Variants in EXOC4 observed in about 807,000 individuals in gnomAD.
The protein encoded by EXOC4 is SEC8-like 1.
A neutral mutation model predicts 107.2 loss-of-function variants in EXOC4; 71 were observed. The observed-to-expected ratio is 0.66, with a 90% CI of 0.55 to 0.81. The LOEUF (loss-of-function observed/expected upper bound fraction) is 0.81. Among genes scored for constraint, EXOC4 ranks in the 30% least tolerant of loss-of-function variants. The pLI, the probability that EXOC4 is intolerant of heterozygous loss-of-function variation, is 0.00. For missense variants in EXOC4, 1,108 were observed against 1,189.6 expected, an observed-to-expected ratio of 0.93 and a Z score of 1.01; for synonymous variants, 456 against 441.2, an observed-to-expected ratio of 1.03 and a Z score of -0.42.
intron 7 of EXOC4, among the ~76,000 whole-genome samples, chr7:133,378,829 A>G (rs935835089): frequency 6.6e-6 from 1 of 152,104 alleles, no homozygotes; most frequent in South Asian, 2.1e-4. Flanking sequence ...CAAAGATAGG[A>G]TGAATAGAAC....
chr7:134,081,963 C>T, the EXOC4 span, among the ~76,000 whole-genome samples: 3 of 152,152 alleles, frequency 2.0e-5, no homozygotes, highest in African/African-American at 4.8e-5. Context: ...TTGTTCCAGA[C>T]CCTACACCAA....
chr7:133,557,587 A>C (rs1158482119), intron 9 of EXOC4, among the ~76,000 whole-genome samples: 1 of 152,232 alleles, frequency 6.6e-6, no homozygotes, highest in Non-Finnish European at 1.5e-5. Flanking sequence ...TGCTGGAATC[A>C]CAGATGTGTG....
intron 9 of EXOC4, among the ~76,000 whole-genome samples, chr7:133,488,085 A>T (rs1799303971): frequency 1.3e-5 from 2 of 152,304 alleles, no homozygotes; most frequent in South Asian, 4.1e-4. Context: ...AATAAACACA[A>T]TTCATAAGAT....
chr7:134,028,494 T>G (rs1451701321), intron 17 of EXOC4, among the ~76,000 whole-genome samples: 1 of 152,170 alleles, frequency 6.6e-6, no homozygotes, highest in Non-Finnish European at 1.5e-5. Flanking sequence ...GAATAACATG[T>G]GGGAAACTGT....
intron 10 of EXOC4, among the ~76,000 whole-genome samples, chr7:133,771,729 A>C (rs1213058656): frequency 2.0e-5 from 3 of 151,876 alleles, no homozygotes; most frequent in Non-Finnish European, 4.4e-5. Context: ...CTCTTTATTG[A>C]GATTGCCTCG....
intron 9 of EXOC4, among the ~76,000 whole-genome samples, chr7:133,499,601 A>G (rs530508060): frequency 5.3e-5 from 8 of 152,216 alleles, no homozygotes; most frequent in African/African-American, 1.7e-4. Context: ...GCCTTATGAT[A>G]TGGTTTAGAT....
chr7:134,025,013 T>G (rs1199450019), intron 17 of EXOC4, among the ~76,000 whole-genome samples: 1 of 152,248 alleles, frequency 6.6e-6, no homozygotes, highest in Middle Eastern at 3.2e-3. Context: ...CAATCCCAGC[T>G]GCTGTCTAGC....
intron 9 of EXOC4, among the ~76,000 whole-genome samples, chr7:133,544,099 T>C (rs574345022): frequency 1.3e-5 from 2 of 152,222 alleles, no homozygotes; most frequent in South Asian, 2.1e-4. Context: ...TAATGGTGCA[T>C]TGGGAAAATT....
chr7:133,779,641 C>T (rs1378146483), intron 10 of EXOC4, among the ~76,000 whole-genome samples: 5 of 152,042 alleles, frequency 3.3e-5, no homozygotes, highest in African/African-American at 9.7e-5. Context: ...ATGCTCCAAT[C>T]GGTGCTCTGT....
chr7:133,805,457 A>T (rs942791634), intron 10 of EXOC4, among the ~76,000 whole-genome samples: 2 of 152,230 alleles, frequency 1.3e-5, no homozygotes, highest in Non-Finnish European at 2.9e-5. Flanking sequence ...TACCTACTGG[A>T]TACCAAACAA....
chr7:133,401,404 G>A (rs920239138), intron 7 of EXOC4, among the ~76,000 whole-genome samples: 2 of 151,780 alleles, frequency 1.3e-5, no homozygotes, highest in Admixed American at 6.6e-5. Context: ...GTTCATTCCC[G>A]TAATACCAGA....
chr7:133,300,319 T>C (rs1794614924), intron 3 of EXOC4, among the ~76,000 whole-genome samples: 1 of 152,208 alleles, frequency 6.6e-6, no homozygotes, highest in South Asian at 2.1e-4. Flanking sequence ...CCTGCAGCTT[T>C]CAGGCAGTGG....
Position 133,275,055 on chromosome 7 carries a change from TGTGACC to T in EXOC4, c.167_172del (p.Arg56_Asp57del). 1 of 1,613,830 alleles carries T rather than the reference TGTGACC, an allele frequency of 6.2e-7. No homozygotes were observed. The highest frequency in any genetic ancestry group is 8.5e-7 in the Non-Finnish European group (1 of 1,179,798). On this transcript the variant is annotated inframe_deletion, in exon 2 of 18. Coordinates refer to ENST00000253861, the MANE Select transcript of EXOC4 (RefSeq NM_021807.4). The stretch of plus-strand genomic sequence containing the variant: ...TCGCCTTGAAGAAGCCTACGAGAAA[TGTGACC>T]GTGACCTGGATGAATTGATTGTACA...
At chr7:133,617,071 T>C (rs544055522) in intron 9 of EXOC4, among the ~76,000 whole-genome samples, 4 of 152,286 alleles carry the variant, frequency 2.6e-5, no homozygotes, top group African/African-American at 7.2e-5. Flanking sequence ...TTTCCTAATA[T>C]CTGATTTTGT....
At chr7:133,591,516 T>A (rs1801541938) in intron 9 of EXOC4, among the ~76,000 whole-genome samples, 1 of 151,846 alleles carries the variant, frequency 6.6e-6, no homozygotes, top group South Asian at 2.1e-4. Context: ...AGTTTTTTCA[T>A]ATGCATTTTC....
At chr7:133,308,388 T>C (rs1458537187) in intron 4 of EXOC4, among the ~76,000 whole-genome samples, 1 of 152,124 alleles carries the variant, frequency 6.6e-6, no homozygotes, top group Non-Finnish European at 1.5e-5. Context: ...CTGATGTCCT[T>C]ATAAAAAGGA....
chr7:134,031,510 G>A (rs1354020494), intron 17 of EXOC4, among the ~76,000 whole-genome samples: 1 of 152,150 alleles, frequency 6.6e-6, no homozygotes, highest in African/African-American at 2.4e-5. Context: ...TATCATCACT[G>A]TTGTTATTAA....
chr7:133,271,289 C>G (rs960493680), intron 1 of EXOC4, among the ~76,000 whole-genome samples: 5 of 152,076 alleles, frequency 3.3e-5, no homozygotes, highest in Non-Finnish European at 7.4e-5. Context: ...CATTTATTGT[C>G]TGAGACATTG....
chr7:133,847,673 C>T (rs1056408831), intron 11 of EXOC4, among the ~76,000 whole-genome samples: 4 of 150,716 alleles, frequency 2.7e-5, no homozygotes, highest in African/African-American at 4.9e-5. Context: ...GTGTGAGTCA[C>T]TGTGCCCGGC....
Sources: allele counts gnomAD v4.1 joint callset (sites outside exome capture counted in the v4.1 genomes callset), GRCh38; gene constraint gnomAD v4.1.1; transcripts MANE v1.5; gene names NCBI Gene and HGNC (gene_info 2026-07-23, HGNC 2026-07-21).